ABHD2: variants seen among roughly 807,000 people sequenced by gnomAD.
ABHD2 encodes abhydrolase domain containing 2, acylglycerol lipase.
A neutral mutation model predicts 48.1 loss-of-function variants in ABHD2; 20 were observed. The observed-to-expected ratio is 0.42, with a 90% CI of 0.29 to 0.60. The LOEUF (loss-of-function observed/expected upper bound fraction) is 0.60, where lower values mean the gene tolerates loss of function less well. Ranked by LOEUF, ABHD2 falls within the 20% of genes least tolerant of loss-of-function variation. The pLI, the probability that ABHD2 is intolerant of heterozygous loss-of-function variation, is 0.24. For synonymous variants in ABHD2, 209 were observed against 214.2 expected, an observed-to-expected ratio of 0.98 and a Z score of 0.21; for missense variants, 405 against 550.9, an observed-to-expected ratio of 0.74 and a Z score of 2.65.
chr15:89,136,549 C>G, intron 3 of ABHD2: 1 of 307,682 alleles, frequency 3.3e-6, no homozygotes, highest in Non-Finnish European at 6.5e-6. Flanking sequence ...CCATCTGGCT[C>G]TCACTTGCCC....
chr15:89,052,393 C>T, the ABHD2 span, among the ~76,000 whole-genome samples: 7 of 152,074 alleles, frequency 4.6e-5, no homozygotes, highest in Non-Finnish European at 8.8e-5. Context: ...TAAATTACTA[C>T]CAAATCAGCA....
Position 89,168,247 on chromosome 15 carries a change from G to A in ABHD2, c.539-7565G>A, listed in dbSNP as rs538679875. On this transcript the variant is annotated intron_variant, in intron 5 of 10. Coordinates refer to ENST00000352732, the MANE Select transcript of ABHD2 (RefSeq NM_152924.5). This position sits in a 1 kb window ranked among gnomAD's most constrained non-coding sequence, Gnocchi z 4.8. ...AGCAAGTTGCCTTTCCAAAATGGCCGTGCAATACTCATCTGTCTAAGGCCC... is the reference window on the plus strand; with the variant it reads ...AGCAAGTTGCCTTTCCAAAATGGCCATGCAATACTCATCTGTCTAAGGCCC... Among the ~76,000 whole-genome samples, 19 of 152,240 alleles carry A rather than the reference G, an allele frequency of 1.2e-4. No individual in the cohort carries two copies. Among genetic ancestry groups the A allele is most frequent in the South Asian group, 4.2e-4 (2 of 4,818 alleles).
At chr15:89,110,601 C>T (rs754271783) in intron 1 of ABHD2, among the ~76,000 whole-genome samples, 17 of 152,138 alleles carry the variant, frequency 1.1e-4, no homozygotes, top group Non-Finnish European at 2.2e-4. Context: ...CCAACCTTCA[C>T]AGTGCTAGGT....
chr15:89,151,945 A>C lies in ABHD2; in HGVS notation c.370+93A>C. 1.4e-6 allele frequency: 2 copies of C among 1,472,402 alleles called. No homozygotes were observed. The highest frequency in any genetic ancestry group is 2.3e-5 in the East Asian group (1 of 43,242). The allele number at this position is 1,472,402 out of a possible 1,614,324, so 91.2% of individuals were successfully genotyped here. The stretch of plus-strand genomic sequence containing the variant: ...AGCAGTGTGAATACTTGTGCCACTG[A>C]CTCTGCCCATGGCATCAGGGGCTGT... On this transcript the variant is annotated intron_variant, in intron 4 of 10. Transcript: ENST00000352732. This position sits in a 1 kb window ranked among gnomAD's most constrained non-coding sequence, Gnocchi z 4.7.
At chr15:89,043,231 A>G in the ABHD2 span, among the ~76,000 whole-genome samples, 1 of 152,142 alleles carries the variant, frequency 6.6e-6, no homozygotes, top group Non-Finnish European at 1.5e-5. Context: ...GAGCTCTTCT[A>G]GCACCCTAGG....
chr15:89,124,952 G>T (rs1179796241), intron 3 of ABHD2, among the ~76,000 whole-genome samples: 1 of 152,218 alleles, frequency 6.6e-6, no homozygotes, highest in South Asian at 2.1e-4. Flanking sequence ...GGCCGGGCAT[G>T]GTGGCAGGTG....
At chr15:89,075,713 T>G in the ABHD2 span, among the ~76,000 whole-genome samples, 1 of 152,078 alleles carries the variant, frequency 6.6e-6, no homozygotes, top group South Asian at 2.1e-4. The surrounding 1 kb of genome is among the most constrained non-coding windows in gnomAD (Gnocchi z 4.1). Context: ...TGGCAGCAAC[T>G]CAAGCGCTGG....
chr15:89,186,959 C>T lies in ABHD2; in HGVS notation c.816-1234C>T, dbSNP rs1403250530. ...TGTCTGGAAGGAGAGCAGAGGGAGA[C>T]TTATGTCCCCTGTGCTGGCTGGAAA... is the stretch of plus-strand genomic sequence containing the variant. On this transcript the variant is annotated intron_variant, in intron 7 of 10. Coordinates refer to ENST00000352732, the MANE Select transcript of ABHD2 (RefSeq NM_152924.5). This position sits in a 1 kb window ranked among gnomAD's most constrained non-coding sequence, Gnocchi z 4.3. Among the ~76,000 whole-genome samples the T allele has an allele frequency of 3.3e-5, 5 of 152,212 alleles. No individual in the cohort carries two copies. The highest frequency in any genetic ancestry group is 7.3e-5 in the Non-Finnish European group (5 of 68,040).
chr15:89,070,777 T>A, the ABHD2 span, among the ~76,000 whole-genome samples: 65,872 of 151,900 alleles, frequency 0.43, 16,423 homozygotes, highest in Non-Finnish European at 0.57. Flanking sequence ...TCTATGGACA[T>A]CTTGAAATTC....
chr15:89,126,370 T>C (rs1429307239), intron 3 of ABHD2, among the ~76,000 whole-genome samples: 4 of 152,244 alleles, frequency 2.6e-5, no homozygotes, highest in Non-Finnish European at 5.9e-5. Flanking sequence ...GAATCAGATC[T>C]ACTTTTATAC....
chr15:89,049,149 T>G, the ABHD2 span, among the ~76,000 whole-genome samples: 4 of 152,086 alleles, frequency 2.6e-5, no homozygotes, highest in African/African-American at 9.7e-5. Flanking sequence ...CGGCCGGCCG[T>G]GTGAGGTGTC....
intron 9 of ABHD2, 87 bp from the exon 10 acceptor site, chr15:89,193,148 A>T (rs1365514970): frequency 7.6e-7 from 1 of 1,309,626 alleles, no homozygotes; most frequent in East Asian, 2.3e-5. Flanking sequence ...CTTCAAAAAC[A>T]TGTCCAGCAG....
At position 89,146,582 on chromosome 15, in the gene ABHD2, C is replaced by G; in HGVS notation, c.195-5095C>G. Among the ~76,000 whole-genome samples, 1 of 152,106 alleles carries G rather than the reference C, an allele frequency of 6.6e-6. No individual in the cohort carries two copies. Among genetic ancestry groups the G allele is most frequent in the South Asian group, 2.1e-4 (1 of 4,814 alleles). Reference sequence around the variant, plus strand: ...ACAAACATTTATTAACCGCTGGCCACGGCACAACATTGGCCACAATACCAT... The same window carrying G: ...ACAAACATTTATTAACCGCTGGCCAGGGCACAACATTGGCCACAATACCAT... On this transcript the variant is annotated intron_variant, in intron 3 of 10. Transcript: ENST00000352732. This position sits in a 1 kb window ranked among gnomAD's most constrained non-coding sequence, Gnocchi z 4.2.
intron 3 of ABHD2, among the ~76,000 whole-genome samples, chr15:89,149,735 C>G (rs1016094178): frequency 2.0e-5 from 3 of 152,220 alleles, no homozygotes; most frequent in Non-Finnish European, 4.4e-5. Context: ...TAGTTCAACA[C>G]CACGTGTACC....
chr15:89,129,180 A>C (rs1473271306), intron 3 of ABHD2, among the ~76,000 whole-genome samples: 1 of 151,028 alleles, frequency 6.6e-6, no homozygotes, highest in Admixed American at 6.6e-5. Context: ...TGTAGATTCC[A>C]GATCAGCTGC....
At chr15:89,192,142 C>T (rs1214456559) in intron 9 of ABHD2, among the ~76,000 whole-genome samples, 1 of 152,220 alleles carries the variant, frequency 6.6e-6, no homozygotes, top group Non-Finnish European at 1.5e-5. Context: ...TCAATGTCCA[C>T]CTGTAGGTTT....
At chr15:89,147,170 C>T (rs111750656) in intron 3 of ABHD2, among the ~76,000 whole-genome samples, 4 of 152,020 alleles carry the variant, frequency 2.6e-5, no homozygotes, top group East Asian at 1.9e-4. Flanking sequence ...AGTAGGGAAA[C>T]GATAGGCCAT....
Position 89,164,468 on chromosome 15 carries a change from G to C in ABHD2, c.538+8934G>C, listed in dbSNP as rs556447202. ...GCTGAAGGTTTGACTGCCTGGTCGA[G>C]AAAGCTGAGAAAGACTGTTAAGAAA... On this transcript the variant is annotated intron_variant, in intron 5 of 10. Transcript: ENST00000352732. The surrounding 1 kb of genome is among the most constrained non-coding windows in gnomAD (Gnocchi z 5.0). Among the ~76,000 whole-genome samples, 10 of 126,332 alleles carry C rather than the reference G, an allele frequency of 7.9e-5. No homozygotes were observed. The highest frequency in any genetic ancestry group is 1.2e-4 in the Non-Finnish European group (7 of 59,604). The allele number at this position is 126,332 out of a possible 152,430, so 82.9% of individuals were successfully genotyped here.
intron 3 of ABHD2, among the ~76,000 whole-genome samples, chr15:89,126,074 C>T (rs1189092396): frequency 2.0e-5 from 3 of 152,206 alleles, no homozygotes; most frequent in Admixed American, 6.5e-5. Context: ...GACCCTTATA[C>T]CGCCCTATTC....
Sources: allele counts gnomAD v4.1 joint callset (sites outside exome capture counted in the v4.1 genomes callset), GRCh38; gene constraint gnomAD v4.1.1; non-coding constraint Gnocchi (gnomAD v3.1); transcripts MANE v1.5; gene names NCBI Gene and HGNC (gene_info 2026-07-23, HGNC 2026-07-21).